SLMAP: variants seen among roughly 807,000 people sequenced by gnomAD.
The protein encoded by SLMAP is sarcolemma associated protein.
In SLMAP, 44 loss-of-function variants were observed where a neutral mutation model predicts 128.8. The observed-to-expected ratio is 0.34, with a 90% CI of 0.27 to 0.44. The LOEUF (loss-of-function observed/expected upper bound fraction) is 0.44. Ranked by LOEUF, SLMAP falls within the 20% of genes least tolerant of loss-of-function variation. The pLI, the probability that SLMAP is intolerant of heterozygous loss-of-function variation, is 1.00. For synonymous variants in SLMAP, 327 were observed against 348.8 expected (o/e 0.94, Z 0.70); for missense variants, 787 against 985.3 (o/e 0.80, Z 2.69).
intron 2 of SLMAP, among the ~76,000 whole-genome samples, chr3:57,773,351 C>T (rs1251441817): frequency 1.3e-5 from 2 of 152,218 alleles, no homozygotes; most frequent in Non-Finnish European, 1.5e-5. Flanking sequence ...TAAGCCACAT[C>T]ATGTACTATA....
At chr3:57,863,864 A>C (rs1433380930) in intron 10 of SLMAP, among the ~76,000 whole-genome samples, 2 of 152,184 alleles carry the variant, frequency 1.3e-5, no homozygotes, top group African/African-American at 4.8e-5. Flanking sequence ...GTTACTAAAT[A>C]ATTTTGTTTA....
chr3:57,761,185 A>C (rs1488126237), intron 2 of SLMAP, among the ~76,000 whole-genome samples: 1 of 152,190 alleles, frequency 6.6e-6, no homozygotes, highest in Non-Finnish European at 1.5e-5. Flanking sequence ...AGAGGGAACT[A>C]TTTAGACAAC....
intron 2 of SLMAP, among the ~76,000 whole-genome samples, chr3:57,793,153 C>G (rs140332443): frequency 1.4e-4 from 21 of 152,068 alleles, no homozygotes; most frequent in Admixed American, 1.3e-3. Context: ...AAAAAATCCT[C>G]TTGAGCTCAA....
chr3:57,853,997 A>ATATATATT (rs1560254779), intron 6 of SLMAP, among the ~76,000 whole-genome samples: 1 of 109,236 alleles, frequency 9.2e-6, no homozygotes, highest in African/African-American at 3.5e-5. Flanking sequence ...ATATATATAT[A>ATATATATT]TATTTACATA....
chr3:57,905,477 T>C (rs1421729364), intron 17 of SLMAP, among the ~76,000 whole-genome samples: 1 of 152,082 alleles, frequency 6.6e-6, no homozygotes, highest in African/African-American at 2.4e-5. Context: ...AGACGGGTTT[T>C]ACCATGTTGC....
chr3:57,800,914 G>T, intron 2 of SLMAP: 1 of 217,550 alleles, frequency 4.6e-6, no homozygotes, highest in Non-Finnish European at 9.3e-6. Context: ...GCTCCCAGGA[G>T]ACCTGAGCTC....
At chr3:57,877,107 T>C (rs1285551819) in intron 14 of SLMAP, among the ~76,000 whole-genome samples, 1 of 152,180 alleles carries the variant, frequency 6.6e-6, no homozygotes, top group African/African-American at 2.4e-5. Context: ...TTATGAGACT[T>C]AACTTTTTGT....
At chr3:57,925,471 G>A (rs142889919) in intron 23 of SLMAP, among the ~76,000 whole-genome samples, 1 of 151,822 alleles carries the variant, frequency 6.6e-6, no homozygotes, top group East Asian at 2.0e-4. Context: ...GGGATTACAG[G>A]CATGCACCAC....
intron 3 of SLMAP, among the ~76,000 whole-genome samples, chr3:57,839,986 C>G (rs1193256987): frequency 6.6e-6 from 1 of 152,126 alleles, no homozygotes; most frequent in Non-Finnish European, 1.5e-5. Context: ...CTGTGCCCAG[C>G]CTAAGTTTTA....
chr3:57,854,000 T>TAC (rs2094635216), intron 6 of SLMAP, among the ~76,000 whole-genome samples: 1 of 96,946 alleles, frequency 1.0e-5, no homozygotes, highest in Admixed American at 1.2e-4. Flanking sequence ...TATATATATA[T>TAC]TTACATATAA....
intron 2 of SLMAP, among the ~76,000 whole-genome samples, chr3:57,812,513 A>G (rs1461514235): frequency 6.6e-6 from 1 of 152,158 alleles, no homozygotes; most frequent in African/African-American, 2.4e-5. Context: ...GGAAGTGTGA[A>G]TCCTCAAGTT....
At chr3:57,818,250 G>C (rs1043909365) in intron 2 of SLMAP, among the ~76,000 whole-genome samples, 2 of 152,094 alleles carry the variant, frequency 1.3e-5, no homozygotes, top group Non-Finnish European at 2.9e-5. Flanking sequence ...CCGCCTCCCG[G>C]GTTCAAGCGA....
intron 2 of SLMAP, among the ~76,000 whole-genome samples, chr3:57,795,469 G>A (rs2086513196): frequency 6.6e-6 from 1 of 152,188 alleles, no homozygotes; most frequent in Non-Finnish European, 1.5e-5. Flanking sequence ...AGCCTGGCAG[G>A]CAGAGGTTGC....
intron 2 of SLMAP, among the ~76,000 whole-genome samples, chr3:57,790,941 T>A (rs533497483): frequency 6.6e-6 from 1 of 152,212 alleles, no homozygotes; most frequent in Non-Finnish European, 1.5e-5. Context: ...TACTGAAATA[T>A]ATATGTATTA....
chr3:57,834,736 CATT>C (rs2093538791), intron 3 of SLMAP, among the ~76,000 whole-genome samples: 1 of 151,916 alleles, frequency 6.6e-6, no homozygotes. Context: ...CCTAGCATAT[CATT>C]AATGTGAAAA....
intron 2 of SLMAP, among the ~76,000 whole-genome samples, chr3:57,768,584 G>T (rs563134868): frequency 5.9e-5 from 9 of 152,250 alleles, no homozygotes; most frequent in Non-Finnish European, 7.4e-5. Flanking sequence ...ACAAAGATTG[G>T]TGGTTTCTAG....
At chr3:57,802,001 G>A (rs2088564724) in intron 2 of SLMAP, among the ~76,000 whole-genome samples, 1 of 152,058 alleles carries the variant, frequency 6.6e-6, no homozygotes, top group South Asian at 2.1e-4. Context: ...ATGTGTATGT[G>A]TATATTTATA....
chr3:57,789,908 C>T (rs918870619), intron 2 of SLMAP, among the ~76,000 whole-genome samples: 2 of 152,196 alleles, frequency 1.3e-5, no homozygotes, highest in Non-Finnish European at 2.9e-5. Context: ...ATGATCTCGG[C>T]TCACTGCAAC....
At chr3:57,919,105 G>A (rs1439443165) in intron 22 of SLMAP, among the ~76,000 whole-genome samples, 4 of 152,208 alleles carry the variant, frequency 2.6e-5, no homozygotes, top group Non-Finnish European at 4.4e-5. Context: ...TCTTGGCTGG[G>A]CGCCGTGGCT....
Sources: allele counts gnomAD v4.1 joint callset (sites outside exome capture counted in the v4.1 genomes callset), GRCh38; gene constraint gnomAD v4.1.1; transcripts MANE v1.5; gene names NCBI Gene and HGNC (gene_info 2026-07-23, HGNC 2026-07-21).